The following DENND1A variants were observed in gnomAD, a reference collection of about 807,000 sequenced individuals.
DENND1A encodes DENN domain-containing protein 1A.
Under a neutral mutation model 113.7 loss-of-function variants are expected in DENND1A, and 51 were observed. That is an observed-to-expected ratio of 0.45 (90% confidence interval 0.36 to 0.57). The LOEUF is 0.57. Among genes scored for constraint, DENND1A ranks in the 20% least tolerant of loss-of-function variants. The pLI, the probability that DENND1A is intolerant of heterozygous loss-of-function variation, is 0.00. For missense variants in DENND1A, 1,258 were observed against 1,395.9 expected (o/e 0.90, Z 1.57); for synonymous variants, 565 against 570.8 (o/e 0.99, Z 0.14).
chr9:123,876,429 G>T (rs1276153086), intron 2 of DENND1A, among the ~76,000 whole-genome samples: 1 of 152,110 alleles, frequency 6.6e-6, no homozygotes, highest in African/African-American at 2.4e-5. Context: ...TATACTAGGG[G>T]TATATAAGAA....
At chr9:123,734,030 T>C (rs561632741) in intron 5 of DENND1A, among the ~76,000 whole-genome samples, 3 of 152,088 alleles carry the variant, frequency 2.0e-5, no homozygotes, top group Admixed American at 6.5e-5. Flanking sequence ...GAGAGGCACA[T>C]AGTTCATAGT....
intron 1 of DENND1A, among the ~76,000 whole-genome samples, chr9:123,888,539 C>T (rs1448053726): frequency 6.6e-6 from 1 of 152,190 alleles, no homozygotes; most frequent in East Asian, 1.9e-4. Context: ...AACTGCTGGA[C>T]CGCAAAGAGC....
At chr9:123,585,088 T>A (rs2059099709) in intron 11 of DENND1A, among the ~76,000 whole-genome samples, 1 of 152,140 alleles carries the variant, frequency 6.6e-6, no homozygotes, top group South Asian at 2.1e-4. Context: ...CTCACTAGGA[T>A]TGAAAAAACA....
intron 13 of DENND1A, among the ~76,000 whole-genome samples, chr9:123,549,593 C>G (rs1336533267): frequency 1.3e-5 from 2 of 152,058 alleles, no homozygotes; most frequent in Non-Finnish European, 2.9e-5. Context: ...CATTTCAAAG[C>G]TTTATTCACA....
chr9:123,428,013 T>C (rs1485233054), intron 19 of DENND1A, among the ~76,000 whole-genome samples: 1 of 151,926 alleles, frequency 6.6e-6, no homozygotes, highest in Non-Finnish European at 1.5e-5. Flanking sequence ...AATAAAAAAA[T>C]GGGGTCTAGG....
chr9:123,400,996 A>T (rs1358422645), intron 21 of DENND1A: 2 of 152,162 alleles, frequency 1.3e-5, no homozygotes. Context: ...CCCAGTGGAG[A>T]TGAAGATCTG....
chr9:123,620,213 CAAAAA>C (rs34196587), intron 10 of DENND1A, among the ~76,000 whole-genome samples: 2,233 of 59,062 alleles, frequency 0.038, 53 homozygotes, highest in Non-Finnish European at 0.045. Context: ...GACTCCATCT[CAAAAA>C]AAAAAAAAAA....
At position 123,411,792 on chromosome 9, in the gene DENND1A, A is replaced by T; in HGVS notation, c.1526T>A (p.Ile509Lys). Reference sequence around the variant, plus strand: ...GCTACTCACGGGCCTCGAGCGCTGTATCTTGGGAGGCGGTCGGGTGGGACG... The same window carrying T: ...GCTACTCACGGGCCTCGAGCGCTGTTTCTTGGGAGGCGGTCGGGTGGGACG... Reference protein sequence around the residue: ...RLRPTRPPPKIQRSRPVRPPR... With the variant: ...RLRPTRPPPKKQRSRPVRPPR... Residue 509 changes from isoleucine (I) to lysine (K), a missense_variant, in exon 20 of 24, where the codon ATA becomes AAA. Physicochemically the swap from Ile to Lys is moderately radical, Grantham distance 102. This residue lies in a region of DENND1A where 1,159 missense variants were observed against 1,231.7 expected (regional missense o/e 0.94). Coordinates refer to ENST00000394215, the MANE Select transcript of DENND1A (RefSeq NM_001352964.2). 1.0e-6 allele frequency: 1 copy of T among 985,952 alleles called. No individual in the cohort carries two copies. The highest frequency in any genetic ancestry group is 1.2e-6 in the Non-Finnish European group (1 of 830,048). The allele number at this position is 985,952 out of a possible 1,614,324, so 61.1% of individuals were successfully genotyped here.
chr9:123,627,329 T>C (rs1265211364), intron 10 of DENND1A, among the ~76,000 whole-genome samples: 4 of 152,206 alleles, frequency 2.6e-5, no homozygotes, highest in Admixed American at 6.5e-5. Flanking sequence ...TGGGCCTGTG[T>C]CTTCGACACC....
chr9:123,808,850 A>C (rs1487914329), intron 2 of DENND1A, among the ~76,000 whole-genome samples: 1 of 152,182 alleles, frequency 6.6e-6, no homozygotes, highest in Non-Finnish European at 1.5e-5. Context: ...CAACAACCCC[A>C]CACTGGCAGG....
chr9:123,839,071 G>A (rs1388155108), intron 2 of DENND1A, among the ~76,000 whole-genome samples: 1 of 152,174 alleles, frequency 6.6e-6, no homozygotes, highest in African/African-American at 2.4e-5. Context: ...ATCCAGGTCT[G>A]GGCTGAGCCA....
intron 2 of DENND1A, among the ~76,000 whole-genome samples, chr9:123,806,712 T>G (rs1420791202): frequency 1.3e-5 from 2 of 152,200 alleles, no homozygotes; most frequent in South Asian, 4.1e-4. Flanking sequence ...TCCTAAATTA[T>G]ACACTTTATA....
In DENND1A at chr9:123,674,342, T is replaced by A. The variant is rs113911272; in HGVS notation, c.372+2378A>T. Among the ~76,000 whole-genome samples the A allele has an allele frequency of 8.6e-3, 1,132 of 132,304 alleles. 11 individuals carry two copies. Among genetic ancestry groups the A allele is most frequent in the Middle Eastern group, 0.023 (6 of 256 alleles). The allele number at this position is 132,304 out of a possible 152,430, so 86.8% of individuals were successfully genotyped here. Reference sequence around the variant, plus strand: ...CTCTGTCTCTGTCTCTGTCTCTCTCTCACACACACACACACACACACACAC... The same window carrying A: ...CTCTGTCTCTGTCTCTGTCTCTCTCACACACACACACACACACACACACAC... On this transcript the variant is annotated intron_variant, in intron 6 of 23. Coordinates refer to ENST00000394215, the MANE Select transcript of DENND1A (RefSeq NM_001352964.2).
At chr9:123,534,530 T>C (rs1212351627) in intron 13 of DENND1A, among the ~76,000 whole-genome samples, 1 of 152,190 alleles carries the variant, frequency 6.6e-6, no homozygotes, top group Non-Finnish European at 1.5e-5. Context: ...TGTGCAAGAG[T>C]TTCAACTTTA....
At chr9:123,386,306 A>G (rs1048044083) in intron 22 of DENND1A, among the ~76,000 whole-genome samples, 5 of 152,154 alleles carry the variant, frequency 3.3e-5, no homozygotes, top group African/African-American at 1.2e-4. Context: ...AAATCGAAAC[A>G]AAGATTTGAC....
rs77201609 is a variant in DENND1A at position 123,782,362 on chromosome 9, C to T, written c.132+10225G>A. On this transcript the variant is annotated intron_variant, in intron 3 of 23. Coordinates refer to ENST00000394215, the MANE Select transcript of DENND1A (RefSeq NM_001352964.2). ...CACTCAAATATGAGAATCATAAACA[C>T]ATCTGGTTAAGCCTCTCTAGGTAAA... is the stretch of plus-strand genomic sequence containing the variant. Among the ~76,000 whole-genome samples the T allele has an allele frequency of 6.3e-3, 953 of 152,316 alleles. 16 individuals are homozygous for T. The highest frequency in any genetic ancestry group is 6.7e-3 in the Non-Finnish European group (457 of 68,020).
chr9:123,389,799 T>C (rs2042746659), intron 21 of DENND1A, among the ~76,000 whole-genome samples: 1 of 152,228 alleles, frequency 6.6e-6, no homozygotes, highest in African/African-American at 2.4e-5. Flanking sequence ...ACTGCTCTCC[T>C]GAGCAGGTGA....
Position 123,382,515 on chromosome 9 carries a change from G to A in DENND1A, c.2130C>T (p.Pro710=), listed in dbSNP as rs754932375. 1 of 1,613,922 alleles carries A rather than the reference G, an allele frequency of 6.2e-7. No individual in the cohort carries two copies. The highest frequency in any genetic ancestry group is 2.2e-5 in the East Asian group (1 of 44,882). Residue 710 remains proline (P), a synonymous_variant, in exon 24 of 24, where the codon CCC becomes CCT. Transcript: ENST00000394215. ...WSLGQDDMAI[P]SKPPAASPEK... is the part of the protein sequence containing the mutation. ...CAGGGGAGGCAGCTGGGGGCTTGCT[G>A]GGGATGGCCATGTCGTCCTGGCCCA...
chr9:123,415,782 G>C (rs72755169), intron 19 of DENND1A, among the ~76,000 whole-genome samples: 4,354 of 152,300 alleles, frequency 0.029, 103 homozygotes, highest in East Asian at 0.13. Context: ...TTCACGCAGG[G>C]CCAGGGGCAC....
Sources: allele counts gnomAD v4.1 joint callset (sites outside exome capture counted in the v4.1 genomes callset), GRCh38; gene constraint gnomAD v4.1.1; regional missense constraint gnomAD v4.1.1; transcripts MANE v1.5; gene names NCBI Gene and HGNC (gene_info 2026-07-23, HGNC 2026-07-21).